The following DDR2 variants were observed in gnomAD, a reference collection of about 807,000 sequenced individuals.
The protein encoded by DDR2 is discoidin domain-containing receptor 2.
A neutral mutation model predicts 94.9 loss-of-function variants in DDR2; 27 were observed. The observed-to-expected ratio is 0.28, with a 90% CI of 0.21 to 0.39. The LOEUF (loss-of-function observed/expected upper bound fraction) is 0.39, where lower values mean the gene tolerates loss of function less well. DDR2 is among the 10% of genes least tolerant of loss of function. DDR2 has a pLI of 1.00. For missense variants in DDR2, 783 were observed against 1,076.0 expected (o/e 0.73, Z 3.81); for synonymous variants, 382 against 377.2 (o/e 1.01, Z -0.15).
intron 3 of DDR2, among the ~76,000 whole-genome samples, chr1:162,724,008 C>T (rs1311781270): frequency 1.3e-5 from 2 of 152,128 alleles, no homozygotes; most frequent in Non-Finnish European, 2.9e-5. Flanking sequence ...AGCATCAATC[C>T]CACATGTCAG....
chr1:162,779,165 A>G lies in DDR2; in HGVS notation c.2433+436A>G, dbSNP rs114585312. Among the ~76,000 whole-genome samples, 691 of 152,284 alleles carry G rather than the reference A, an allele frequency of 4.5e-3. 5 individuals are homozygous for G. Among genetic ancestry groups the G allele is most frequent in the African/African-American group, 0.016 (645 of 41,558 alleles). On this transcript the variant is annotated intron_variant, in intron 17 of 17. Coordinates refer to ENST00000367921, the MANE Select transcript of DDR2 (RefSeq NM_006182.4). The stretch of plus-strand genomic sequence containing the variant: ...TATCTAGCAATGTTTCTAGACTTGG[A>G]TGTCTGAAAATGGGCAGATATATCC...
At chr1:162,696,540 T>C (rs1660202122) in intron 2 of DDR2, among the ~76,000 whole-genome samples, 1 of 151,816 alleles carries the variant, frequency 6.6e-6, no homozygotes. Context: ...CTTGAGCCTC[T>C]GGCTTTCATC....
chr1:162,775,641 A>G lies in DDR2; in HGVS notation c.1857-11A>G, dbSNP rs1647501034. 1.9e-6 allele frequency: 3 copies of G among 1,613,834 alleles called. No individual in the cohort carries two copies. The highest frequency in any genetic ancestry group is 2.2e-5 in the East Asian group (1 of 44,878). ...AACTTCTGAGTTTATCTATGTCTGT[A>G]TCCTCCCAAGGAATGATTTTCTTAA... On this transcript the variant is annotated splice_polypyrimidine_tract_variant and intron_variant, in intron 14 of 17. Transcript: ENST00000367921.
intron 3 of DDR2, among the ~76,000 whole-genome samples, chr1:162,751,309 A>G (rs1469816335): frequency 6.6e-6 from 1 of 152,224 alleles, no homozygotes; most frequent in Non-Finnish European, 1.5e-5. Flanking sequence ...AAAAAAAATC[A>G]AACAACCCCA....
At chr1:162,723,603 C>A (rs1661520717) in intron 3 of DDR2, among the ~76,000 whole-genome samples, 1 of 152,150 alleles carries the variant, frequency 6.6e-6, no homozygotes, top group Non-Finnish European at 1.5e-5. Flanking sequence ...TGGGACCCAC[C>A]CAGCCAATTA....
At chr1:162,773,698 G>T (rs894503481) in intron 14 of DDR2, 102 bp downstream of exon 14, 4 of 1,496,210 alleles carry the variant, frequency 2.7e-6, no homozygotes, top group Admixed American at 3.5e-5. Flanking sequence ...AGATGGGAAG[G>T]TCAGTGAGCT....
intron 2 of DDR2, among the ~76,000 whole-genome samples, chr1:162,700,633 T>A (rs1660388698): frequency 6.6e-6 from 1 of 152,196 alleles, no homozygotes; most frequent in South Asian, 2.1e-4. Context: ...ATGCTGGGGC[T>A]GGGTCATCCT....
At chr1:162,669,044 G>A (rs1558015985) in intron 2 of DDR2, among the ~76,000 whole-genome samples, 2 of 152,276 alleles carry the variant, frequency 1.3e-5, no homozygotes, top group East Asian at 3.9e-4. Context: ...AAGTACTTTA[G>A]TTCCTTTGGG....
At chr1:162,654,856 T>C (rs1013133338) in intron 1 of DDR2, among the ~76,000 whole-genome samples, 38 of 152,294 alleles carry the variant, frequency 2.5e-4, no homozygotes, top group African/African-American at 8.4e-4. Flanking sequence ...TTTAAGAGAT[T>C]TTAAAAAATG....
intron 2 of DDR2, among the ~76,000 whole-genome samples, chr1:162,692,572 C>G (rs1660006063): frequency 6.6e-6 from 1 of 152,228 alleles, no homozygotes; most frequent in African/African-American, 2.4e-5. Flanking sequence ...ACCTTTACCT[C>G]AGTCACTAGG....
chr1:162,662,414 G>C (rs549792752), intron 2 of DDR2, among the ~76,000 whole-genome samples: 1 of 152,238 alleles, frequency 6.6e-6, no homozygotes, highest in East Asian at 1.9e-4. Context: ...GAATCTGCAG[G>C]TTAGGTTGGA....
At chr1:162,746,012 A>T (rs140505822) in intron 3 of DDR2, among the ~76,000 whole-genome samples, 1 of 152,164 alleles carries the variant, frequency 6.6e-6, no homozygotes, top group Non-Finnish European at 1.5e-5. Context: ...TTTTTGTTAG[A>T]TGGCTGAATA....
intron 9 of DDR2, among the ~76,000 whole-genome samples, chr1:162,762,701 G>A (rs2805025): frequency 0.62 from 93,731 of 152,078 alleles, 32,723 homozygotes; most frequent in Non-Finnish European, 0.78. Context: ...AATTTTCAGA[G>A]TAATGACTTG....
intron 2 of DDR2, among the ~76,000 whole-genome samples, chr1:162,708,904 T>TA (rs1660772805): frequency 6.6e-6 from 1 of 152,178 alleles, no homozygotes; most frequent in Non-Finnish European, 1.5e-5. Context: ...TTTTTGCCCC[T>TA]AACTTGCAAA....
At chr1:162,778,787 G>T (rs959966359) in intron 17 of DDR2, 58 bp downstream of exon 17, 3 of 1,610,392 alleles carry the variant, frequency 1.9e-6, no homozygotes, top group African/African-American at 2.7e-5. Flanking sequence ...GATGGAGAAT[G>T]GCAAGTCCTG....
At chr1:162,766,147 C>A in intron 10 of DDR2, 84 bp downstream of exon 10, 1 of 1,469,816 alleles carries the variant, frequency 6.8e-7, no homozygotes, top group African/African-American at 1.4e-5. Flanking sequence ...AAAGCCCTGG[C>A]TGTGTGGGAG....
intron 2 of DDR2, among the ~76,000 whole-genome samples, chr1:162,666,995 T>C (rs1013121687): frequency 6.6e-6 from 1 of 151,538 alleles, no homozygotes; most frequent in African/African-American, 2.4e-5. Flanking sequence ...TGGATGGAGA[T>C]ATATATACAC....
intron 1 of DDR2, among the ~76,000 whole-genome samples, chr1:162,641,438 A>G (rs1034514635): frequency 6.6e-6 from 1 of 152,130 alleles, no homozygotes; most frequent in Non-Finnish European, 1.5e-5. Context: ...CAGATCCTCC[A>G]TCCATCCCAG....
chr1:162,671,118 C>T (rs1311567948), intron 2 of DDR2, among the ~76,000 whole-genome samples: 1 of 152,114 alleles, frequency 6.6e-6, no homozygotes. Flanking sequence ...GAACCTATCA[C>T]GTGGGAACTC....
Sources: gnomAD v4.1 joint callset for allele counts (sites outside exome capture counted in the v4.1 genomes callset) on GRCh38, gnomAD v4.1.1 for gene constraint, MANE v1.5 for transcripts, NCBI Gene and HGNC (gene_info 2026-07-23, HGNC 2026-07-21) for gene names.